The following SPAG17 variants were observed in gnomAD, a reference collection of about 807,000 sequenced individuals.
SPAG17 encodes sperm associated antigen 17.
SPAG17 carries 169 observed loss-of-function variants against 273.6 expected under a neutral mutation model. The observed-to-expected ratio is 0.62, with a 90% CI of 0.55 to 0.70. The LOEUF is 0.70. Among genes scored for constraint, SPAG17 ranks in the 30% least tolerant of loss-of-function variants. The probability of loss-of-function intolerance (pLI) is 0.00; values close to 1 mark genes in which losing one functional copy is unlikely to be tolerated. For synonymous variants in SPAG17, 825 were observed against 873.2 expected, an observed-to-expected ratio of 0.94 and a Z score of 0.97; for missense variants, 2,557 against 2,627.8, an observed-to-expected ratio of 0.97 and a Z score of 0.59.
At chr1:118,126,203 C>CTTTT (rs776674134) in intron 3 of SPAG17, among the ~76,000 whole-genome samples, 12 of 110,558 alleles carry the variant, frequency 1.1e-4, no homozygotes, top group African/African-American at 2.3e-4. Flanking sequence ...ATCCTTTATC[C>CTTTT]TTTTTTTTTT....
In SPAG17 at chr1:118,091,681, AT is replaced by A; in HGVS notation, c.1283del (p.Tyr428PhefsTer6). 1 of 1,612,058 alleles carries A rather than the reference AT, an allele frequency of 6.2e-7. No homozygotes were observed. Among genetic ancestry groups the A allele is most frequent in the Non-Finnish European group, 8.5e-7 (1 of 1,178,384 alleles). On this transcript the variant is annotated frameshift_variant, in exon 10 of 49. Coordinates refer to ENST00000336338, the MANE Select transcript of SPAG17 (RefSeq NM_206996.4). LOFTEE classifies it high-confidence loss of function. ...GAATTGGATTCAGCAAATAATTGTA[AT>A]ATCTCATGTCTACTTCAGTTGTGAT... ...SVITTEVDMR[Y>X]YNYLLNPIRE...
At chr1:118,061,627 T>C (rs1364347113) in intron 18 of SPAG17, among the ~76,000 whole-genome samples, 1 of 152,200 alleles carries the variant, frequency 6.6e-6, no homozygotes, top group African/African-American at 2.4e-5. Flanking sequence ...GTGTTCAATG[T>C]TTTTAAAAAA....
At chr1:118,034,482 TCTCA>T (rs1571300067) in intron 24 of SPAG17, among the ~76,000 whole-genome samples, 1 of 152,212 alleles carries the variant, frequency 6.6e-6, no homozygotes, top group East Asian at 1.9e-4. Context: ...CATAGGCAAT[TCTCA>T]CTCACCTCCA....
At chr1:118,005,170 ATTAT>A (rs1658744563) in intron 32 of SPAG17, among the ~76,000 whole-genome samples, 1 of 152,194 alleles carries the variant, frequency 6.6e-6, no homozygotes, top group East Asian at 1.9e-4. Flanking sequence ...TTCTGTTCTA[ATTAT>A]TTATTTAGCC....
Position 117,991,493 on chromosome 1 carries a change from C to G in SPAG17, c.5397G>C (p.Glu1799Asp). The G allele has an allele frequency of 6.2e-7, 1 of 1,611,780 alleles. No individual in the cohort carries two copies. Among genetic ancestry groups the G allele is most frequent in the East Asian group, 2.2e-5 (1 of 44,784 alleles). ...YINYILKKEDELQEMMVKDSR... is the reference protein window; with the variant it reads ...YINYILKKEDDLQEMMVKDSR... ...AATCTTTAACCATCATTTCCTGCAG[C>G]TCATCTTCTTTCTTTAGAATATAGT... Residue 1799 changes from glutamate (E) to aspartate (D), a missense_variant, in exon 37 of 49, where the codon GAG becomes GAC. Glu to Asp is a conservative substitution (Grantham distance 45, BLOSUM62 2). Coordinates refer to ENST00000336338, the MANE Select transcript of SPAG17 (RefSeq NM_206996.4).
intron 3 of SPAG17, among the ~76,000 whole-genome samples, chr1:118,123,227 C>T (rs939506021): frequency 2.2e-4 from 34 of 152,192 alleles, no homozygotes; most frequent in African/African-American, 7.9e-4. Flanking sequence ...TTAGGGCCAA[C>T]TATATTGTAG....
intron 12 of SPAG17, 57 bp downstream of exon 12, chr1:118,086,613 TA>T: frequency 1.4e-6 from 2 of 1,413,732 alleles, no homozygotes; most frequent in Non-Finnish European, 2.0e-6. Context: ...TTCAACTGAA[TA>T]GTTATAAACA....
intron 3 of SPAG17, among the ~76,000 whole-genome samples, chr1:118,137,242 A>T (rs1022241807): frequency 2.0e-5 from 3 of 152,238 alleles, no homozygotes; most frequent in Admixed American, 2.0e-4. Context: ...AACAATAATA[A>T]TTCAAAATAA....
chr1:118,028,198 T>C, intron 26 of SPAG17, 76 bp downstream of exon 26: 4 of 1,513,984 alleles, frequency 2.6e-6, no homozygotes, highest in South Asian at 2.5e-5. Flanking sequence ...TTAACTGGCA[T>C]GAAAATACAC....
At chr1:118,033,360 C>T (rs1187891758) in intron 24 of SPAG17, among the ~76,000 whole-genome samples, 1 of 152,168 alleles carries the variant, frequency 6.6e-6, no homozygotes. Context: ...CAGTCTGTTC[C>T]CCAAGTTAGA....
chr1:118,025,128 C>A (rs1647584463), intron 27 of SPAG17, 110 bp downstream of exon 27: 2 of 854,546 alleles, frequency 2.3e-6, no homozygotes, highest in Admixed American at 3.0e-5. Flanking sequence ...AGGTGTCATT[C>A]CTTTTTCTAG....
chr1:118,142,269 C>G (rs1172721066), intron 3 of SPAG17, among the ~76,000 whole-genome samples: 2 of 152,114 alleles, frequency 1.3e-5, no homozygotes, highest in African/African-American at 4.8e-5. Context: ...TATCCAGAGT[C>G]GTCAAATTCG....
intron 3 of SPAG17, among the ~76,000 whole-genome samples, chr1:118,128,291 GT>G (rs1657854268): frequency 6.6e-6 from 1 of 152,104 alleles, no homozygotes; most frequent in Admixed American, 6.5e-5. Context: ...AGTTCTAAAA[GT>G]TTTTTGTGAA....
intron 1 of SPAG17, among the ~76,000 whole-genome samples, chr1:118,161,290 A>G (rs532169367): frequency 1.7e-3 from 263 of 152,328 alleles, no homozygotes; most frequent in Non-Finnish European, 2.7e-3. Flanking sequence ...TGCTCAGGAC[A>G]TAGCAATTGT....
At chr1:118,047,961 T>C (rs1449249537) in intron 20 of SPAG17, among the ~76,000 whole-genome samples, 3 of 152,064 alleles carry the variant, frequency 2.0e-5, no homozygotes, top group Admixed American at 6.5e-5. Flanking sequence ...CCCATCCCAA[T>C]AGACCTGAGC....
At chr1:117,970,911 AAAAC>A (rs1406586578) in intron 45 of SPAG17, among the ~76,000 whole-genome samples, 1 of 152,206 alleles carries the variant, frequency 6.6e-6, no homozygotes, top group Non-Finnish European at 1.5e-5. Context: ...AACAACCTAA[AAAAC>A]AATCGTGTGA....
intron 6 of SPAG17, among the ~76,000 whole-genome samples, chr1:118,099,155 A>G (rs1412705385): frequency 1.3e-5 from 2 of 152,172 alleles, no homozygotes; most frequent in African/African-American, 4.8e-5. Context: ...AAGGCTAGGA[A>G]GATAGCACCC....
intron 28 of SPAG17, among the ~76,000 whole-genome samples, chr1:118,019,886 C>T (rs1333777680): frequency 6.6e-6 from 1 of 152,080 alleles, no homozygotes; most frequent in Admixed American, 6.6e-5. Flanking sequence ...ATGAGGACAA[C>T]ATAAAGACAT....
At chr1:118,024,016 T>C (rs1271599483) in intron 27 of SPAG17, among the ~76,000 whole-genome samples, 1 of 152,188 alleles carries the variant, frequency 6.6e-6, no homozygotes, top group Non-Finnish European at 1.5e-5. Flanking sequence ...TATTCTTGTA[T>C]AGGTAACTTG....
Sources: gnomAD v4.1 joint callset for allele counts (sites outside exome capture counted in the v4.1 genomes callset) on GRCh38, gnomAD v4.1.1 for gene constraint, MANE v1.5 for transcripts, NCBI Gene and HGNC (gene_info 2026-07-23, HGNC 2026-07-21) for gene names.